Variants in FRMD6 observed in about 807,000 individuals in gnomAD.
FRMD6 encodes FERM domain-containing protein 6.
FRMD6 carries 37 observed loss-of-function variants against 73.2 expected under a neutral mutation model. The ratio of observed to expected loss-of-function variants is 0.51; its 90% confidence interval spans 0.39 to 0.66. FRMD6 has a LOEUF of 0.66. Ranked by LOEUF, FRMD6 falls within the 30% of genes least tolerant of loss-of-function variation. The pLI is 0.00. For missense variants in FRMD6, 714 were observed against 780.5 expected, an observed-to-expected ratio of 0.91 and a Z score of 1.02; for synonymous variants, 273 against 282.2, an observed-to-expected ratio of 0.97 and a Z score of 0.33.
intron 2 of FRMD6, among the ~76,000 whole-genome samples, chr14:51,622,346 G>T (rs6572782): frequency 6.6e-6 from 1 of 152,014 alleles, no homozygotes; most frequent in Non-Finnish European, 1.5e-5. Flanking sequence ...TAATTTGCAC[G>T]AACAGGGTGC....
chr14:51,628,799 TCAAAAAAAAAAA>T (rs1333298641), intron 2 of FRMD6, among the ~76,000 whole-genome samples: 1 of 9,324 alleles, frequency 1.1e-4, no homozygotes, highest in East Asian at 1.8e-3. Context: ...AGACTCTGTC[TCAAAAAAAAAAA>T]AAAAAAAAAA....
the FRMD6 span, among the ~76,000 whole-genome samples, chr14:51,428,857 C>G: frequency 6.6e-6 from 1 of 151,682 alleles, no homozygotes; most frequent in Non-Finnish European, 1.5e-5. Context: ...GTTTCTTGAG[C>G]CCCAAGCTAC....
the FRMD6 span, among the ~76,000 whole-genome samples, chr14:51,468,104 T>C: frequency 0.63 from 95,941 of 151,732 alleles, 30,608 homozygotes; most frequent in East Asian, 0.79. Context: ...GCCCGGCCAA[T>C]ACGGCGAAAC....
At chr14:51,459,913 C>T in the FRMD6 span, among the ~76,000 whole-genome samples, 5 of 26,156 alleles carry the variant, frequency 1.9e-4, no homozygotes, top group Admixed American at 1.2e-3. Context: ...TTACAAACTT[C>T]GGCTATGGCT....
intron 2 of FRMD6, among the ~76,000 whole-genome samples, chr14:51,587,439 C>T (rs1889114750): frequency 6.6e-6 from 1 of 152,178 alleles, no homozygotes; most frequent in Non-Finnish European, 1.5e-5. Context: ...AATTGTATGG[C>T]CGCGGTGGCT....
At chr14:51,486,721 A>C (rs1209663149), upstream of FRMD6, among the ~76,000 whole-genome samples, 2 of 152,162 alleles carry the variant, frequency 1.3e-5, no homozygotes, top group African/African-American at 4.8e-5. Flanking sequence ...TGGATGAGAA[A>C]TTCTGGTTGT....
intron 2 of FRMD6, among the ~76,000 whole-genome samples, chr14:51,580,526 C>T (rs1277022957): frequency 1.3e-5 from 2 of 152,142 alleles, no homozygotes; most frequent in African/African-American, 2.4e-5. Context: ...CAAGATCACA[C>T]ATTAAGTGAT....
At position 51,727,749 on chromosome 14, in the gene FRMD6, T is replaced by C. The variant is rs1462277128; in HGVS notation, c.1589T>C (p.Ile530Thr). ...CATCCTTCCCTTATCTTGCAGACTATATGTCGGAAACCAAAGACCTCCACT... is the reference window on the plus strand; with the variant it reads ...CATCCTTCCCTTATCTTGCAGACTACATGTCGGAAACCAAAGACCTCCACT... ...GQSTDSLPQT[I>T]CRKPKTSTDR... The change falls in exon 14 of 14, where the codon ATA becomes ACA. Residue 530 changes from isoleucine (I) to threonine (T), a missense_variant. Transcript: ENST00000344768. 5 of 1,596,232 alleles carry C rather than the reference T, an allele frequency of 3.1e-6. No homozygotes were observed. The African/African-American group carries it at 6.7e-5, about 21-fold the overall frequency.
rs562843930 is a variant in FRMD6 at position 51,496,935 on chromosome 14, G to A, written c.-210+7515G>A. 2.0e-5 allele frequency among the ~76,000 whole-genome samples: 3 copies of A among 152,250 alleles called. No homozygotes were observed. In the East Asian group the frequency reaches 5.8e-4, roughly 29 times the overall value. Reference sequence around the variant, plus strand: ...GTAATTTCTCTTCATCCAGAAATGAGATTTGCCTTCCAACATAGCATATCC... The same window carrying A: ...GTAATTTCTCTTCATCCAGAAATGAAATTTGCCTTCCAACATAGCATATCC... On this transcript the variant is annotated intron_variant, in intron 1 of 14. Coordinates refer to the FRMD6 transcript ENST00000356218.
At chr14:51,497,033 G>A (rs1160199582) in intron 1 of FRMD6, among the ~76,000 whole-genome samples, 1 of 152,062 alleles carries the variant, frequency 6.6e-6, no homozygotes, top group Non-Finnish European at 1.5e-5. Context: ...GTTGAAACAG[G>A]GACATGGTAA....
At chr14:51,433,287 C>T in the FRMD6 span, among the ~76,000 whole-genome samples, 1 of 152,146 alleles carries the variant, frequency 6.6e-6, no homozygotes, top group Admixed American at 6.5e-5. Context: ...TGGAATCAGT[C>T]TAAATGCCTA....
chr14:51,552,279 C>A (rs1290770168), intron 1 of FRMD6, among the ~76,000 whole-genome samples: 1 of 152,136 alleles, frequency 6.6e-6, no homozygotes, highest in Non-Finnish European at 1.5e-5. Context: ...ATTTTAGAAC[C>A]GCACAGTGAT....
intron 1 of FRMD6, among the ~76,000 whole-genome samples, chr14:51,552,616 G>C (rs113806160): frequency 5.6e-4 from 86 of 152,314 alleles, no homozygotes; most frequent in Non-Finnish European, 1.0e-3. Flanking sequence ...TGGCAAGGTG[G>C]GGTCCAATGG....
chr14:51,580,655 A>G (rs1256495286), intron 2 of FRMD6, among the ~76,000 whole-genome samples: 2 of 152,220 alleles, frequency 1.3e-5, no homozygotes, highest in Non-Finnish European at 2.9e-5. Context: ...TAAAAAAGCA[A>G]CACAATGTTT....
At chr14:51,467,681 TC>T in the FRMD6 span, among the ~76,000 whole-genome samples, 1 of 149,098 alleles carries the variant, frequency 6.7e-6, no homozygotes, top group African/African-American at 2.5e-5. Context: ...ACTCCTCAGT[TC>T]CCAGATGGGG....
chr14:51,436,673 G>T, the FRMD6 span: 2 of 531,640 alleles, frequency 3.8e-6, no homozygotes, highest in African/African-American at 1.9e-5. Context: ...TGATGTAGGG[G>T]CTAATGAGTT....
At chr14:51,598,147 C>T (rs956659697) in intron 2 of FRMD6, among the ~76,000 whole-genome samples, 1 of 152,154 alleles carries the variant, frequency 6.6e-6, no homozygotes, top group Admixed American at 6.6e-5. Flanking sequence ...GAGAGAAAAA[C>T]AGCTTTGCTC....
chr14:51,586,863 T>A (rs897722533), intron 2 of FRMD6, among the ~76,000 whole-genome samples: 8 of 152,064 alleles, frequency 5.3e-5, no homozygotes, highest in African/African-American at 1.9e-4. Context: ...CCCGCCTCCA[T>A]CTCCTAAGTA....
chr14:51,515,613 C>T (rs1439844166), intron 1 of FRMD6, among the ~76,000 whole-genome samples: 1 of 152,218 alleles, frequency 6.6e-6, no homozygotes, highest in East Asian at 1.9e-4. Flanking sequence ...TAGGTTTCCT[C>T]TTCCTGCTAC....
Sources: gnomAD v4.1 joint callset for allele counts (sites outside exome capture counted in the v4.1 genomes callset) on GRCh38, gnomAD v4.1.1 for gene constraint, MANE v1.5 for transcripts, NCBI Gene and HGNC (gene_info 2026-07-23, HGNC 2026-07-21) for gene names.